Variants in MACC1 observed in about 807,000 individuals in gnomAD.
MACC1 encodes MET transcriptional regulator MACC1.
MACC1 carries 79 observed loss-of-function variants against 70.7 expected under a neutral mutation model. That is an observed-to-expected ratio of 1.12 (90% CI 0.93 to 1.35). The LOEUF (loss-of-function observed/expected upper bound fraction) is 1.35. Ranked by LOEUF, MACC1 falls within the 40% of genes most tolerant of loss-of-function variation. The pLI is 0.00. For missense variants in MACC1, 1,106 were observed against 978.1 expected, an observed-to-expected ratio of 1.13 and a Z score of -1.74; for synonymous variants, 361 against 347.2, an observed-to-expected ratio of 1.04 and a Z score of -0.44.
rs916416933 is a variant in MACC1 at position 20,170,882 on chromosome 7, G to C, written c.-217-104C>G. 5.3e-5 allele frequency: 8 copies of C among 152,154 alleles called. No homozygotes were observed. The East Asian group carries it at 1.3e-3, about 26-fold the overall frequency. The allele number at this position is 152,154 out of a possible 1,614,324, so 9.4% of individuals were successfully genotyped here. A position where few individuals can be genotyped will look rare whatever the true frequency, so the allele number is the denominator to read the frequency against. ...GAGAAAGAGCTTATGAATAAAATTT[G>C]GTAGAATGGGTAAGATTAAAGAGAG... On this transcript the variant is annotated intron_variant, in intron 1 of 6. Coordinates refer to ENST00000400331, the MANE Select transcript of MACC1 (RefSeq NM_182762.4).
intron 1 of MACC1, among the ~76,000 whole-genome samples, chr7:20,179,070 C>T (rs1782458865): frequency 6.6e-6 from 1 of 151,866 alleles, no homozygotes; most frequent in South Asian, 2.1e-4. Context: ...TCTTCTTTTG[C>T]TTCGTGCTGT....
At chr7:20,155,395 C>A (rs1782040815) in intron 5 of MACC1, among the ~76,000 whole-genome samples, 1 of 152,156 alleles carries the variant, frequency 6.6e-6, no homozygotes, top group South Asian at 2.1e-4. Context: ...AAGAGATTAA[C>A]AACAATAACT....
chr7:20,162,862 G>A (rs1005902515), intron 3 of MACC1, among the ~76,000 whole-genome samples: 2 of 152,118 alleles, frequency 1.3e-5, no homozygotes, highest in South Asian at 2.1e-4. Flanking sequence ...TATGTTTTCT[G>A]GGAAGGAGAG....
intron 1 of MACC1, among the ~76,000 whole-genome samples, chr7:20,185,857 G>C (rs57501897): frequency 6.6e-6 from 1 of 152,090 alleles, no homozygotes; most frequent in Non-Finnish European, 1.5e-5. Flanking sequence ...ACATTTTGCA[G>C]TTGGGGAGAC....
At chr7:20,148,550 A>C (rs1287267924) in intron 6 of MACC1, among the ~76,000 whole-genome samples, 1 of 152,204 alleles carries the variant, frequency 6.6e-6, no homozygotes, top group Non-Finnish European at 1.5e-5. Flanking sequence ...GAATTTTCTT[A>C]ATAATGTTTA....
rs552374062 is a variant in MACC1, at chr7:20,181,804, T to C, written c.-217-11026A>G. On this transcript the variant is annotated intron_variant, in intron 1 of 6. Coordinates refer to ENST00000400331, the MANE Select transcript of MACC1 (RefSeq NM_182762.4). ...AGTGCAATGAAACAATAAAAATAAATTAAAACATAGAACTTTCAAAAGAGA... is the reference window on the plus strand; with the variant it reads ...AGTGCAATGAAACAATAAAAATAAACTAAAACATAGAACTTTCAAAAGAGA... Among the ~76,000 whole-genome samples the C allele has an allele frequency of 1.3e-4, 20 of 152,050 alleles. No homozygotes were observed. The South Asian group carries it at 4.2e-3, about 32-fold the overall frequency.
chr7:20,210,409 T>G (rs1416688256), intron 1 of MACC1, among the ~76,000 whole-genome samples: 1 of 152,222 alleles, frequency 6.6e-6, no homozygotes, highest in Non-Finnish European at 1.5e-5. Context: ...ATTATACGTT[T>G]TATGTATGTA....
intron 1 of MACC1, among the ~76,000 whole-genome samples, chr7:20,195,188 T>A (rs556608176): frequency 7.7e-4 from 117 of 152,236 alleles, no homozygotes; most frequent in Admixed American, 2.2e-3. Flanking sequence ...AGTTCTCACA[T>A]CTCTGATTTT....
chr7:20,186,800 T>TGTA (rs1044170510), intron 1 of MACC1, among the ~76,000 whole-genome samples: 2 of 152,164 alleles, frequency 1.3e-5, no homozygotes, highest in Admixed American at 1.3e-4. Context: ...TAACCTGTAA[T>TGTA]GTAGACAAAA....
At chr7:20,205,935 T>G (rs148591020) in intron 1 of MACC1, among the ~76,000 whole-genome samples, 116 of 152,220 alleles carry the variant, frequency 7.6e-4, no homozygotes, top group African/African-American at 2.7e-3. Context: ...CATCAATATA[T>G]CTCTTCTTCC....
At chr7:20,145,711 A>G (rs1006972396) in intron 6 of MACC1, among the ~76,000 whole-genome samples, 3 of 152,210 alleles carry the variant, frequency 2.0e-5, no homozygotes, top group Non-Finnish European at 4.4e-5. Context: ...ATACAAAAGG[A>G]TGTTAAAATC....
intron 1 of MACC1, among the ~76,000 whole-genome samples, chr7:20,197,527 A>G (rs1782771829): frequency 6.6e-6 from 1 of 152,182 alleles, no homozygotes; most frequent in African/African-American, 2.4e-5. Context: ...TTTAGCTTTT[A>G]ACATTATGGA....
At chr7:20,214,586 ACT>A (rs561919639) in intron 1 of MACC1, among the ~76,000 whole-genome samples, 1 of 152,214 alleles carries the variant, frequency 6.6e-6, no homozygotes, top group Non-Finnish European at 1.5e-5. Context: ...ATAGGCAATA[ACT>A]ATATATAAAT....
intron 1 of MACC1, among the ~76,000 whole-genome samples, chr7:20,214,881 C>G (rs138474363): frequency 6.6e-6 from 1 of 152,112 alleles, no homozygotes; most frequent in Non-Finnish European, 1.5e-5. Context: ...ACGTGAGATA[C>G]TTTCATGACC....
At chr7:20,153,375 G>C (rs1347646922) in intron 6 of MACC1, 2 of 152,184 alleles carry the variant, frequency 1.3e-5, no homozygotes, top group Non-Finnish European at 2.9e-5. Flanking sequence ...TACAGCTTCT[G>C]CTCTCACCAA....
intron 1 of MACC1, among the ~76,000 whole-genome samples, chr7:20,199,890 G>T (rs1782807815): frequency 6.6e-6 from 1 of 152,064 alleles, no homozygotes; most frequent in Non-Finnish European, 1.5e-5. Flanking sequence ...CAATCAGAAA[G>T]TAGTGAGTTA....
rs187554590 is a variant in MACC1 at position 20,159,653 on chromosome 7, C to T, written c.708G>A (p.Val236=). ...QLPESDITVH[V]PQGHVAVGEF... The stretch of plus-strand genomic sequence containing the variant: ...CTCCCACAGCCACATGACCTTGGGG[C>T]ACATGAACAGTGATGTCTGATTCAG... Residue 236 remains valine, a synonymous_variant, in exon 5 of 7, where the codon GTG becomes GTA. Transcript: ENST00000400331. 1.9e-6 allele frequency: 3 copies of T among 1,614,160 alleles called. No homozygotes were observed. The highest frequency in any genetic ancestry group is 2.5e-6 in the Non-Finnish European group (3 of 1,180,026).
chr7:20,177,820 CA>C (rs1238748333), intron 1 of MACC1, among the ~76,000 whole-genome samples: 1 of 151,122 alleles, frequency 6.6e-6, no homozygotes, highest in Non-Finnish European at 1.5e-5. Flanking sequence ...TATTTTTTCC[CA>C]TCTTCTTATT....
At chr7:20,158,179 A>T (rs150663927) in intron 5 of MACC1, 25 bp downstream of exon 5, 82 of 1,531,038 alleles carry the variant, frequency 5.4e-5, no homozygotes, top group Non-Finnish European at 7.1e-5. Context: ...ATGGCAATTC[A>T]TTACCATGAT....
Sources: allele counts gnomAD v4.1 joint callset (sites outside exome capture counted in the v4.1 genomes callset), GRCh38; gene constraint gnomAD v4.1.1; transcripts MANE v1.5; gene names NCBI Gene and HGNC (gene_info 2026-07-23, HGNC 2026-07-21).